Variants in PLCXD3 observed in about 807,000 individuals in gnomAD.
PLCXD3 encodes the protein PI-PLC X domain-containing protein 3.
PLCXD3 carries 19 observed loss-of-function variants against 25.5 expected under a neutral mutation model. The ratio of observed to expected loss-of-function variants is 0.75; its 90% CI spans 0.52 to 1.09. The LOEUF is 1.09. Ranked by LOEUF, PLCXD3 falls within the 50% of genes least tolerant of loss-of-function variation. The pLI is 0.00. For missense variants in PLCXD3, 411 were observed against 388.1 expected (o/e 1.06, Z -0.50); for synonymous variants, 174 against 137.6 (o/e 1.26, Z -1.85).
chr5:41,489,686 G>A (rs1206612252), intron 1 of PLCXD3, among the ~76,000 whole-genome samples: 1 of 151,980 alleles, frequency 6.6e-6, no homozygotes, highest in Non-Finnish European at 1.5e-5. Flanking sequence ...TATTCTCTTT[G>A]AAGCAATTGT....
intron 1 of PLCXD3, among the ~76,000 whole-genome samples, chr5:41,476,921 C>T (rs889226502): frequency 1.3e-5 from 2 of 152,288 alleles, no homozygotes; most frequent in Non-Finnish European, 2.9e-5. Context: ...GTGCTTAACA[C>T]CTTAATCTTC....
chr5:41,378,018 T>G (rs1745348030), intron 2 of PLCXD3, among the ~76,000 whole-genome samples: 1 of 152,090 alleles, frequency 6.6e-6, no homozygotes, highest in South Asian at 2.1e-4. Flanking sequence ...CACAGGACTT[T>G]ATGAATGAAT....
intron 1 of PLCXD3, among the ~76,000 whole-genome samples, chr5:41,456,369 C>A (rs890640009): frequency 2.6e-5 from 4 of 151,740 alleles, no homozygotes; most frequent in Admixed American, 2.0e-4. Flanking sequence ...TCTTTAAAAC[C>A]TATTGTTACA....
chr5:41,416,291 G>T (rs1170068163), intron 1 of PLCXD3, among the ~76,000 whole-genome samples: 1 of 152,202 alleles, frequency 6.6e-6, no homozygotes, highest in South Asian at 2.1e-4. Flanking sequence ...TTTAGCTTTG[G>T]CTGGAATAGA....
chr5:41,506,835 C>T (rs966255727), intron 1 of PLCXD3, among the ~76,000 whole-genome samples: 1 of 152,116 alleles, frequency 6.6e-6, no homozygotes, highest in Non-Finnish European at 1.5e-5. Context: ...TTCTGTGTTC[C>T]TTATCTAAAA....
chr5:41,339,423 T>C (rs1006299311), intron 2 of PLCXD3, among the ~76,000 whole-genome samples: 1 of 151,954 alleles, frequency 6.6e-6, no homozygotes, highest in African/African-American at 2.4e-5. Context: ...AGAGTGAATA[T>C]GTCAATGGAT....
At chr5:41,501,044 A>C (rs1246059927) in intron 1 of PLCXD3, among the ~76,000 whole-genome samples, 1 of 152,008 alleles carries the variant, frequency 6.6e-6, no homozygotes, top group Non-Finnish European at 1.5e-5. Flanking sequence ...ACTATCAAAA[A>C]TATATAAAAT....
chr5:41,489,882 A>G (rs1010778264), intron 1 of PLCXD3, among the ~76,000 whole-genome samples: 1 of 151,830 alleles, frequency 6.6e-6, no homozygotes, highest in African/African-American at 2.4e-5. Context: ...GTCTGCAAAC[A>G]GGGACAATTT....
chr5:41,390,761 A>G (rs138749492), intron 1 of PLCXD3, among the ~76,000 whole-genome samples: 47 of 152,240 alleles, frequency 3.1e-4, no homozygotes, highest in African/African-American at 1.1e-3. Flanking sequence ...CAAAAATCAG[A>G]TGACCACTCA....
chr5:41,446,259 A>ATTGT (rs2150512946), intron 1 of PLCXD3, among the ~76,000 whole-genome samples: 1 of 148,524 alleles, frequency 6.7e-6, no homozygotes, highest in East Asian at 2.1e-4. Context: ...GATAAGGAGT[A>ATTGT]TTGTTGCTTG....
intron 2 of PLCXD3, among the ~76,000 whole-genome samples, chr5:41,345,327 G>C (rs1343295912): frequency 6.6e-6 from 1 of 152,102 alleles, no homozygotes. Context: ...CATGAGAGAG[G>C]GTGAGTGGCT....
intron 1 of PLCXD3, among the ~76,000 whole-genome samples, chr5:41,443,959 C>A (rs1041293694): frequency 1.3e-5 from 2 of 152,138 alleles, no homozygotes; most frequent in African/African-American, 2.4e-5. Context: ...ATGTTGGACT[C>A]TGCTTTTCTC....
At chr5:41,378,897 A>G (rs985598719) in intron 2 of PLCXD3, among the ~76,000 whole-genome samples, 1 of 152,084 alleles carries the variant, frequency 6.6e-6, no homozygotes, top group Non-Finnish European at 1.5e-5. Flanking sequence ...ATCAAATGCC[A>G]TAAGAGGAAA....
intron 1 of PLCXD3, among the ~76,000 whole-genome samples, chr5:41,502,160 C>T (rs1748965236): frequency 6.6e-6 from 1 of 151,960 alleles, no homozygotes; most frequent in African/African-American, 2.4e-5. Context: ...ATCCAGAACA[C>T]AAGTGGAAAA....
In PLCXD3 at chr5:41,374,696, T is replaced by C. The variant is rs369997339; in HGVS notation, c.812+7130A>G. 5.3e-5 allele frequency among the ~76,000 whole-genome samples: 8 copies of C among 152,222 alleles called. No individual in the cohort carries two copies. In the East Asian group the frequency reaches 9.7e-4, roughly 18 times the overall value. On this transcript the variant is annotated intron_variant, in intron 2 of 2. Coordinates refer to ENST00000377801, the MANE Select transcript of PLCXD3 (RefSeq NM_001005473.3). ...TGATTATTGGAACACTGGCTTTCCA[T>C]AGTCTCCTTGTTGTTCTTTCTCCTC...
intron 1 of PLCXD3, among the ~76,000 whole-genome samples, chr5:41,429,687 GA>G (rs1323480507): frequency 2.6e-5 from 4 of 151,868 alleles, no homozygotes; most frequent in Non-Finnish European, 4.4e-5. Flanking sequence ...TCTTGAAAGA[GA>G]AAAAGAAAGA....
intron 1 of PLCXD3, among the ~76,000 whole-genome samples, chr5:41,452,877 T>C (rs1293270002): frequency 2.6e-5 from 4 of 152,088 alleles, no homozygotes; most frequent in Non-Finnish European, 5.9e-5. Flanking sequence ...TTCTTCGTTT[T>C]ATTTTTAATT....
At chr5:41,386,529 T>A (rs554901804) in intron 1 of PLCXD3, among the ~76,000 whole-genome samples, 1 of 152,258 alleles carries the variant, frequency 6.6e-6, no homozygotes, top group South Asian at 2.1e-4. Context: ...CATATTTTTC[T>A]TGTGACTATG....
At chr5:41,440,784 C>T (rs1342145598) in intron 1 of PLCXD3, among the ~76,000 whole-genome samples, 1 of 152,136 alleles carries the variant, frequency 6.6e-6, no homozygotes, top group Admixed American at 6.5e-5. Flanking sequence ...CTTTCTCCAA[C>T]CAACCCACAG....
Sources: allele counts gnomAD v4.1 joint callset (sites outside exome capture counted in the v4.1 genomes callset), GRCh38; gene constraint gnomAD v4.1.1; transcripts MANE v1.5; gene names NCBI Gene and HGNC (gene_info 2026-07-23, HGNC 2026-07-21).